The following BMPR1A variants were observed in gnomAD, a reference collection of about 807,000 sequenced individuals.
BMPR1A encodes bone morphogenetic protein receptor type 1A.
In BMPR1A, 7 loss-of-function variants were observed where a neutral mutation model predicts 66.0. The ratio of observed to expected loss-of-function variants is 0.11; its 90% confidence interval spans 0.06 to 0.20. The LOEUF (loss-of-function observed/expected upper bound fraction) is 0.20, where lower values mean the gene tolerates loss of function less well. Ranked by LOEUF, BMPR1A falls within the 10% of genes least tolerant of loss-of-function variation. The pLI is 1.00. For synonymous variants in BMPR1A, 200 were observed against 229.7 expected (o/e 0.87, Z 1.17); for missense variants, 408 against 669.1 (o/e 0.61, Z 4.31).
At chr10:86,756,101 C>G (rs1431360293), upstream of BMPR1A, 1 of 152,284 alleles carries the variant, frequency 6.6e-6, no homozygotes, top group Non-Finnish European at 1.5e-5. Flanking sequence ...GCGTTCACCG[C>G]AGTGTGAGTG....
intron 1 of BMPR1A, among the ~76,000 whole-genome samples, chr10:86,824,080 G>GTT (rs398046151): frequency 4.3e-4 from 29 of 67,410 alleles, no homozygotes; most frequent in Admixed American, 2.4e-3. Context: ...ATTACCAAGG[G>GTT]TTGTGTGTGT....
intron 1 of BMPR1A, among the ~76,000 whole-genome samples, chr10:86,791,007 A>G (rs1841608824): frequency 6.6e-6 from 1 of 152,236 alleles, no homozygotes. Flanking sequence ...TCAGTTTTCC[A>G]CTTCTAACAA....
At chr10:86,757,382 G>C (rs1031925231) in intron 1 of BMPR1A, among the ~76,000 whole-genome samples, 3 of 152,196 alleles carry the variant, frequency 2.0e-5, no homozygotes, top group African/African-American at 7.2e-5. Flanking sequence ...CCCGCGGGAA[G>C]GGGCCCTGGC....
At chr10:86,790,218 T>TAA (rs1841593034) in intron 1 of BMPR1A, among the ~76,000 whole-genome samples, 1 of 60,104 alleles carries the variant, frequency 1.7e-5, no homozygotes, top group African/African-American at 6.0e-5. Context: ...TATATATATA[T>TAA]ATATATATAT....
chr10:86,791,107 A>G (rs760082110), intron 1 of BMPR1A, among the ~76,000 whole-genome samples: 51 of 152,178 alleles, frequency 3.4e-4, no homozygotes, highest in Non-Finnish European at 6.3e-4. Context: ...CAACTATGTA[A>G]TTTTCAACAG....
chr10:86,834,330 GT>G (rs373752461), intron 1 of BMPR1A, among the ~76,000 whole-genome samples: 85 of 152,234 alleles, frequency 5.6e-4, no homozygotes, highest in African/African-American at 2.0e-3. Context: ...ATGCAACCCA[GT>G]TTTGTATCAT....
At chr10:86,772,834 T>G (rs538933288) in intron 1 of BMPR1A, among the ~76,000 whole-genome samples, 70 of 152,290 alleles carry the variant, frequency 4.6e-4, no homozygotes, top group Middle Eastern at 3.4e-3. Context: ...GCAAAAATAA[T>G]GCTTACAGAA....
chr10:86,881,995 G>GT (rs140844116), intron 3 of BMPR1A, among the ~76,000 whole-genome samples: 106 of 147,670 alleles, frequency 7.2e-4, no homozygotes, highest in East Asian at 4.2e-3. Flanking sequence ...TGATAACTGT[G>GT]TTTTTTTTTT....
At chr10:86,837,239 G>C (rs1043955594) in intron 1 of BMPR1A, among the ~76,000 whole-genome samples, 4 of 102,128 alleles carry the variant, frequency 3.9e-5, no homozygotes, top group South Asian at 6.0e-4. Flanking sequence ...GGCTGTGTGT[G>C]TGTGTGTCTG....
downstream of BMPR1A, chr10:86,932,424 C>T (rs1564728139): frequency 2.0e-5 from 3 of 152,188 alleles, no homozygotes; most frequent in African/African-American, 4.8e-5. Context: ...CTCTGTCACC[C>T]AGGCTGGAGT....
At chr10:86,895,559 C>A (rs1219603085) in intron 5 of BMPR1A, among the ~76,000 whole-genome samples, 1 of 151,798 alleles carries the variant, frequency 6.6e-6, no homozygotes, top group Non-Finnish European at 1.5e-5. Context: ...AATTATGGGA[C>A]AATGGTATAA....
At chr10:86,895,864 C>A (rs531777949) in intron 5 of BMPR1A, among the ~76,000 whole-genome samples, 5 of 152,066 alleles carry the variant, frequency 3.3e-5, no homozygotes, top group Non-Finnish European at 7.4e-5. Flanking sequence ...CCCATCTCTA[C>A]AAAAATTAGC....
At chr10:86,774,726 T>TA (rs1841318250) in intron 1 of BMPR1A, among the ~76,000 whole-genome samples, 1 of 152,224 alleles carries the variant, frequency 6.6e-6, no homozygotes, top group African/African-American at 2.4e-5. Context: ...AGTATATTGA[T>TA]ACTATCGGAT....
At chr10:86,822,626 GTTTTTA>G (rs66733391) in intron 1 of BMPR1A, among the ~76,000 whole-genome samples, 9 of 44,858 alleles carry the variant, frequency 2.0e-4, no homozygotes, top group African/African-American at 1.3e-3. Flanking sequence ...TTTTTTTCCC[GTTTTTA>G]TTTTTATTTT....
intron 1 of BMPR1A, among the ~76,000 whole-genome samples, chr10:86,831,725 C>T (rs535592406): frequency 2.0e-5 from 3 of 152,306 alleles, no homozygotes; most frequent in Admixed American, 6.5e-5. Flanking sequence ...GATTACACCA[C>T]TGCACTCCAG....
intron 2 of BMPR1A, among the ~76,000 whole-genome samples, chr10:86,847,935 CTT>C (rs757764095): frequency 1.2e-4 from 17 of 142,694 alleles, no homozygotes; most frequent in Admixed American, 2.1e-4. Context: ...GAAAATGATA[CTT>C]TTTTTTTTTT....
chr10:86,863,176 CTA>C (rs1464889908), intron 2 of BMPR1A, among the ~76,000 whole-genome samples: 1 of 152,044 alleles, frequency 6.6e-6, no homozygotes, highest in Non-Finnish European at 1.5e-5. Flanking sequence ...TGGGGTTTCA[CTA>C]TGTTAGCCAG....
chr10:86,803,316 A>G (rs909565270), intron 1 of BMPR1A, among the ~76,000 whole-genome samples: 3 of 141,206 alleles, frequency 2.1e-5, no homozygotes, highest in Non-Finnish European at 4.7e-5. Context: ...CCTGGCTTCA[A>G]GCAGTCCTTG....
At chr10:86,913,896 A>G (rs970697976) in intron 8 of BMPR1A, among the ~76,000 whole-genome samples, 1 of 152,190 alleles carries the variant, frequency 6.6e-6, no homozygotes, top group East Asian at 1.9e-4. Context: ...TTTTATAGCA[A>G]TTGATGTATA....
Sources: allele counts gnomAD v4.1 joint callset (sites outside exome capture counted in the v4.1 genomes callset), GRCh38; gene constraint gnomAD v4.1.1; transcripts MANE v1.5; gene names NCBI Gene and HGNC (gene_info 2026-07-23, HGNC 2026-07-21).